The following DSCAML1 variants were observed in gnomAD, a reference collection of about 807,000 sequenced individuals.
DSCAML1 encodes DS cell adhesion molecule like 1, also known as cell adhesion molecule DSCAML1.
Under a neutral mutation model 200.5 loss-of-function variants are expected in DSCAML1, and 38 were observed. That is an observed-to-expected ratio of 0.19 (90% CI 0.15 to 0.25). The LOEUF is 0.25. Ranked by LOEUF, DSCAML1 falls within the 10% of genes least tolerant of loss-of-function variation. The pLI is 1.00. For missense variants in DSCAML1, 2,223 were observed against 2,858.8 expected (o/e 0.78, Z 5.07); for synonymous variants, 1,215 against 1,165.0 (o/e 1.04, Z -0.87).
At chr11:117,471,729 C>T in intron 15 of DSCAML1, 140 bp downstream of exon 15, 1 of 766,266 alleles carries the variant, frequency 1.3e-6, no homozygotes, top group South Asian at 3.4e-5. Context: ...CAGAGGTGGA[C>T]ACAAACATCT....
chr11:117,724,092 T>C (rs2137801922), intron 3 of DSCAML1, among the ~76,000 whole-genome samples: 1 of 152,296 alleles, frequency 6.6e-6, no homozygotes, highest in South Asian at 2.1e-4. Context: ...CTTTAAAAGC[T>C]TTGTTTAAAG....
intron 11 of DSCAML1, among the ~76,000 whole-genome samples, chr11:117,492,870 CGTT>C (rs1279732027): frequency 5.9e-5 from 9 of 152,284 alleles, no homozygotes; most frequent in African/African-American, 2.2e-4. Context: ...AGGGCCATGG[CGTT>C]GTTAATTTGA....
chr11:117,792,575 G>A (rs370787221), intron 1 of DSCAML1, among the ~76,000 whole-genome samples: 2 of 150,800 alleles, frequency 1.3e-5, no homozygotes, highest in East Asian at 1.9e-4. Flanking sequence ...CTGAAGCCAC[G>A]ACCACCTCCC....
At chr11:117,512,799 A>ACCCACACC (rs371676414) in intron 8 of DSCAML1, among the ~76,000 whole-genome samples, 138 of 137,594 alleles carry the variant, frequency 1.0e-3, no homozygotes, top group Middle Eastern at 7.4e-3. Flanking sequence ...ACACACACAC[A>ACCCACACC]CACCCCTCCC....
At chr11:117,790,391 A>G (rs935510478) in intron 1 of DSCAML1, among the ~76,000 whole-genome samples, 1 of 152,240 alleles carries the variant, frequency 6.6e-6, no homozygotes, top group Non-Finnish European at 1.5e-5. Flanking sequence ...AGTTTGCTCC[A>G]GGAAGACTAT....
At chr11:117,759,976 A>C (rs2155386) in intron 3 of DSCAML1, among the ~76,000 whole-genome samples, 141,473 of 151,820 alleles carry the variant, frequency 0.93, 66,532 homozygotes, top group East Asian at 1. Context: ...AAATAGGGCA[A>C]AGAGGGCACT....
chr11:117,742,131 C>T (rs1025613653), intron 3 of DSCAML1, among the ~76,000 whole-genome samples: 3 of 152,174 alleles, frequency 2.0e-5, no homozygotes, highest in South Asian at 2.1e-4. Flanking sequence ...CCTATAGAAA[C>T]TGGGTCTAGG....
At chr11:117,623,216 CTTT>C (rs56343852) in intron 3 of DSCAML1, among the ~76,000 whole-genome samples, 3 of 121,104 alleles carry the variant, frequency 2.5e-5, no homozygotes, top group Non-Finnish European at 3.3e-5. Flanking sequence ...CTTTTCTTTT[CTTT>C]TTTTTTTTTT....
chr11:117,462,453 G>A (rs1158159154), intron 17 of DSCAML1, among the ~76,000 whole-genome samples: 1 of 152,210 alleles, frequency 6.6e-6, no homozygotes, highest in African/African-American at 2.4e-5. Flanking sequence ...GCTGGCATCC[G>A]AGGGCCAGGG....
At chr11:117,753,475 A>C (rs1004627576) in intron 3 of DSCAML1, among the ~76,000 whole-genome samples, 2 of 152,178 alleles carry the variant, frequency 1.3e-5, no homozygotes, top group Non-Finnish European at 2.9e-5. Context: ...TGTTATTCTC[A>C]ATTTTCAAAT....
At chr11:117,634,011 G>A (rs2052226450) in intron 3 of DSCAML1, among the ~76,000 whole-genome samples, 1 of 152,220 alleles carries the variant, frequency 6.6e-6, no homozygotes, top group Non-Finnish European at 1.5e-5. Context: ...CACATGCCCT[G>A]CACCGTGCTG....
chr11:117,442,023 AGTGTGTGTAT>A lies in DSCAML1; in HGVS notation c.3862+1853_3862+1862del, dbSNP rs1021459064. ...GGGTGTGTATGTGCATCTGCATGTG[AGTGTGTGTAT>A]GTGTGTGTGTGTGTTAGTGTATGTG... On this transcript the variant is annotated intron_variant, in intron 21 of 32. Coordinates refer to ENST00000651296, the MANE Select transcript of DSCAML1 (RefSeq NM_020693.4). Among the ~76,000 whole-genome samples the A allele has an allele frequency of 6.7e-5, 7 of 104,962 alleles. No individual in the cohort carries two copies. The South Asian group carries it at 2.3e-3, about 35-fold the overall frequency. 68.9% of individuals were successfully genotyped at this position (104,962 alleles called of 152,430 possible).
At chr11:117,722,381 G>A (rs1007314877) in intron 3 of DSCAML1, among the ~76,000 whole-genome samples, 2 of 151,996 alleles carry the variant, frequency 1.3e-5, no homozygotes, top group Admixed American at 1.3e-4. Flanking sequence ...GGAAAGATAA[G>A]GGGGAGGGGA....
intron 3 of DSCAML1, among the ~76,000 whole-genome samples, chr11:117,651,108 T>C (rs1452349856): frequency 6.6e-6 from 1 of 152,232 alleles, no homozygotes; most frequent in Non-Finnish European, 1.5e-5. Context: ...GGGCACAGAC[T>C]AAGGCCCACA....
upstream of DSCAML1, among the ~76,000 whole-genome samples, chr11:117,798,784 C>T (rs112855515): frequency 3.3e-5 from 5 of 152,144 alleles, no homozygotes; most frequent in Admixed American, 6.5e-5. Flanking sequence ...GTGAGAAAAT[C>T]GGGGCTTAAC....
intron 3 of DSCAML1, among the ~76,000 whole-genome samples, chr11:117,637,103 C>T (rs2052304480): frequency 6.6e-6 from 1 of 152,142 alleles, no homozygotes; most frequent in Non-Finnish European, 1.5e-5. Flanking sequence ...TCCCTCCCCA[C>T]TTTGCCTGCT....
chr11:117,473,489 T>C (rs1321822235), intron 14 of DSCAML1, among the ~76,000 whole-genome samples: 1 of 151,666 alleles, frequency 6.6e-6, no homozygotes, highest in East Asian at 1.9e-4. Context: ...AGAACGAGAC[T>C]CCATCTCAAA....
rs1001187955 is a variant in DSCAML1 at position 117,469,346 on chromosome 11, G to A, written c.3024+564C>T. 1.3e-5 allele frequency among the ~76,000 whole-genome samples: 2 copies of A among 152,124 alleles called. No homozygotes were observed. Among genetic ancestry groups the A allele is most frequent in the African/African-American group, 4.8e-5 (2 of 41,416 alleles). On this transcript the variant is annotated intron_variant, in intron 16 of 32. Coordinates refer to ENST00000651296, the MANE Select transcript of DSCAML1 (RefSeq NM_020693.4). The surrounding 1 kb of genome is among the most constrained non-coding windows in gnomAD (Gnocchi z 4.1). ...TGCCCATTTCTGAGTCCTGCTCAAGGTCATTCTGTTCTGTTTCCCTGCCCA... is the reference window on the plus strand; with the variant it reads ...TGCCCATTTCTGAGTCCTGCTCAAGATCATTCTGTTCTGTTTCCCTGCCCA...
At chr11:117,743,859 A>G (rs938540474) in intron 3 of DSCAML1, among the ~76,000 whole-genome samples, 1 of 152,226 alleles carries the variant, frequency 6.6e-6, no homozygotes, top group Non-Finnish European at 1.5e-5. Context: ...CATGGGGAGA[A>G]GGTGGTGCTC....
Sources: gnomAD v4.1 joint callset for allele counts (sites outside exome capture counted in the v4.1 genomes callset) on GRCh38, gnomAD v4.1.1 for gene constraint, Gnocchi (gnomAD v3.1) non-coding constraint, MANE v1.5 for transcripts, NCBI Gene and HGNC (gene_info 2026-07-23, HGNC 2026-07-21) for gene names.